The following NWD2 variants were observed in gnomAD, a reference collection of about 807,000 sequenced individuals.
The protein encoded by NWD2 is NACHT and WD repeat domain containing 2.
A neutral mutation model predicts 132.7 loss-of-function variants in NWD2; 37 were observed. The ratio of observed to expected loss-of-function variants is 0.28; its 90% CI spans 0.21 to 0.37. The LOEUF (loss-of-function observed/expected upper bound fraction) is 0.37, where lower values mean the gene tolerates loss of function less well. Ranked by LOEUF, NWD2 falls within the 10% of genes least tolerant of loss-of-function variation. NWD2 has a pLI of 1.00. For synonymous variants in NWD2, 705 were observed against 803.0 expected (o/e 0.88, Z 2.06); for missense variants, 1,592 against 2,122.4 (o/e 0.75, Z 4.91).
intron 2 of NWD2, among the ~76,000 whole-genome samples, chr4:37,327,026 G>T (rs1719187249): frequency 6.6e-6 from 1 of 152,242 alleles, no homozygotes; most frequent in South Asian, 2.1e-4. Context: ...CCATTTACTT[G>T]ACAAATTGTG....
At chr4:37,401,219 T>G (rs1720889106) in intron 3 of NWD2, among the ~76,000 whole-genome samples, 1 of 152,102 alleles carries the variant, frequency 6.6e-6, no homozygotes, top group Admixed American at 6.5e-5. Context: ...CTTATTTCCC[T>G]CTTATTGAGA....
intron 3 of NWD2, among the ~76,000 whole-genome samples, chr4:37,409,650 A>G (rs969802555): frequency 6.6e-6 from 1 of 152,158 alleles, no homozygotes; most frequent in African/African-American, 2.4e-5. Context: ...CAGGAAATAC[A>G]GAGAACACCA....
chr4:37,270,561 T>A, intron 1 of NWD2, among the ~76,000 whole-genome samples: 1 of 151,694 alleles, frequency 6.6e-6, no homozygotes, highest in East Asian at 1.9e-4. Context: ...CACCTTCAAC[T>A]GAAACATCCA....
rs1712596739 is a variant in NWD2 at position 37,445,083 on chromosome 4, C to A, written c.3095C>A (p.Thr1032Asn). The A allele has an allele frequency of 1.9e-6, 3 of 1,551,640 alleles. No individual in the cohort carries two copies. Among genetic ancestry groups the A allele is most frequent in the African/African-American group, 1.4e-5 (1 of 73,028 alleles). Residue 1032 changes from threonine (T) to asparagine (N), a missense_variant, in exon 7 of 7, where the codon ACC becomes AAC. Coordinates refer to ENST00000309447, the MANE Select transcript of NWD2 (RefSeq NM_001144990.2). The surrounding 1 kb of genome is among the most constrained non-coding windows in gnomAD (Gnocchi z 4.7). The stretch of plus-strand genomic sequence containing the variant: ...CTTGTGGTGGCTACAACAAATAACA[C>A]CTTGTTGATTTATGACAATGTCAAT... ...KYLVVATTNN[T>N]LLIYDNVNSC... is the part of the protein sequence containing the mutation.
In NWD2 at chr4:37,356,486, G is replaced by C. The variant is rs756092338; in HGVS notation, c.357+4G>C. 104 of 1,515,212 alleles carry C rather than the reference G, an allele frequency of 6.9e-5. No individual in the cohort carries two copies. Among genetic ancestry groups the C allele is most frequent in the Non-Finnish European group, 8.8e-5 (98 of 1,114,962 alleles). 93.9% of individuals were successfully genotyped at this position (1,515,212 alleles called of 1,614,324 possible). ...TTCTGCAGGTCCATGTTTTGTTGTG[G>C]GTATAAAAAAACTAATGCTTTATAT... On this transcript the variant is annotated splice_donor_region_variant and intron_variant, in intron 3 of 6. Transcript: ENST00000309447.
intron 3 of NWD2, among the ~76,000 whole-genome samples, chr4:37,415,620 C>T (rs1201221889): frequency 4.0e-5 from 6 of 148,734 alleles, no homozygotes; most frequent in Non-Finnish European, 5.9e-5. Context: ...AGGAAAATGG[C>T]GTGAACCTGC....
At chr4:37,262,292 C>A (rs1025382631) in intron 1 of NWD2, among the ~76,000 whole-genome samples, 1 of 152,166 alleles carries the variant, frequency 6.6e-6, no homozygotes, top group African/African-American at 2.4e-5. Context: ...TGATTCAATT[C>A]ATTTTAGAAA....
At chr4:37,275,176 A>G (rs1717981060) in intron 1 of NWD2, among the ~76,000 whole-genome samples, 1 of 152,222 alleles carries the variant, frequency 6.6e-6, no homozygotes, top group African/African-American at 2.4e-5. Context: ...TATATCTAGA[A>G]AACCCCATCG....
At chr4:37,315,718 A>G (rs775489448) in intron 1 of NWD2, among the ~76,000 whole-genome samples, 3 of 151,880 alleles carry the variant, frequency 2.0e-5, no homozygotes, top group Non-Finnish European at 2.9e-5. Flanking sequence ...TATTTCTGCC[A>G]TTTTACTATT....
At chr4:37,312,427 G>C (rs1232241015) in intron 1 of NWD2, among the ~76,000 whole-genome samples, 2 of 150,932 alleles carry the variant, frequency 1.3e-5, no homozygotes, top group Admixed American at 6.6e-5. Context: ...TTGGCTCTCT[G>C]TTTGTCTGTT....
intron 1 of NWD2, among the ~76,000 whole-genome samples, chr4:37,251,671 G>GTGCA (rs1717363068): frequency 1.3e-5 from 2 of 152,204 alleles, no homozygotes; most frequent in South Asian, 4.1e-4. Context: ...TCTTATGCAG[G>GTGCA]TGCATCCCTT....
intron 3 of NWD2, among the ~76,000 whole-genome samples, chr4:37,378,454 G>A (rs1720391151): frequency 6.6e-6 from 1 of 152,148 alleles, no homozygotes; most frequent in Admixed American, 6.5e-5. Context: ...TTGGATGGTG[G>A]ACCACAATTC....
At chr4:37,301,998 A>G (rs1447822254) in intron 1 of NWD2, among the ~76,000 whole-genome samples, 4 of 152,080 alleles carry the variant, frequency 2.6e-5, no homozygotes, top group African/African-American at 7.2e-5. Flanking sequence ...ACTTGCTTGA[A>G]AATACACAAT....
At chr4:37,289,179 G>A (rs977672656) in intron 1 of NWD2, among the ~76,000 whole-genome samples, 1 of 152,016 alleles carries the variant, frequency 6.6e-6, no homozygotes, top group African/African-American at 2.4e-5. Context: ...AATAGTGTTG[G>A]ATTTTTTAAT....
chr4:37,273,718 T>A (rs1717925933), intron 1 of NWD2, among the ~76,000 whole-genome samples: 2 of 151,958 alleles, frequency 1.3e-5, no homozygotes, highest in African/African-American at 2.4e-5. Context: ...GGACAGAAAT[T>A]ATTACAAACT....
intron 3 of NWD2, among the ~76,000 whole-genome samples, chr4:37,425,415 C>T (rs1344637150): frequency 6.6e-6 from 1 of 152,082 alleles, no homozygotes; most frequent in East Asian, 1.9e-4. Context: ...TATTATGTGT[C>T]TTCAGTGTTT....
At chr4:37,255,014 C>T (rs534317930) in intron 1 of NWD2, among the ~76,000 whole-genome samples, 7 of 152,312 alleles carry the variant, frequency 4.6e-5, no homozygotes, top group African/African-American at 1.7e-4. Context: ...TGCCGCAGAA[C>T]GTCTCCTTCA....
intron 3 of NWD2, among the ~76,000 whole-genome samples, chr4:37,385,654 C>T (rs921400427): frequency 8.5e-5 from 13 of 152,152 alleles, no homozygotes; most frequent in African/African-American, 3.1e-4. Flanking sequence ...ACAAAAGTTC[C>T]ACCTTAACAC....
chr4:37,316,626 G>T (rs547771499), intron 1 of NWD2, among the ~76,000 whole-genome samples: 1 of 152,034 alleles, frequency 6.6e-6, no homozygotes, highest in African/African-American at 2.4e-5. Context: ...TTGGATGATG[G>T]TTTTCCACAG....
Sources: gnomAD v4.1 joint callset for allele counts (sites outside exome capture counted in the v4.1 genomes callset) on GRCh38, gnomAD v4.1.1 for gene constraint, Gnocchi (gnomAD v3.1) non-coding constraint, MANE v1.5 for transcripts, NCBI Gene and HGNC (gene_info 2026-07-23, HGNC 2026-07-21) for gene names.